The following VAV3 variants were observed in gnomAD, a reference collection of about 807,000 sequenced individuals.
The protein encoded by VAV3 is guanine nucleotide exchange factor VAV3.
A neutral mutation model predicts 131.2 loss-of-function variants in VAV3; 94 were observed. The observed-to-expected ratio is 0.72, with a 90% CI of 0.61 to 0.85. The LOEUF (loss-of-function observed/expected upper bound fraction) is 0.85, where lower values mean the gene tolerates loss of function less well. VAV3 is among the 40% of genes least tolerant of loss of function. VAV3 has a pLI of 0.00. For missense variants in VAV3, 939 were observed against 1,002.7 expected (o/e 0.94, Z 0.86); for synonymous variants, 349 against 342.0 (o/e 1.02, Z -0.22).
intron 2 of VAV3, among the ~76,000 whole-genome samples, chr1:107,837,068 T>C (rs1295804734): frequency 6.6e-6 from 1 of 151,522 alleles, no homozygotes; most frequent in Non-Finnish European, 1.5e-5. Context: ...GCCAGCATCA[T>C]CCTAATACCA....
intron 2 of VAV3, among the ~76,000 whole-genome samples, chr1:107,788,887 G>A (rs1301834864): frequency 6.6e-6 from 1 of 152,192 alleles, no homozygotes; most frequent in Admixed American, 6.5e-5. Flanking sequence ...AGATTACATG[G>A]CAATTTTAAT....
chr1:107,653,078 T>C (rs1395662392), intron 19 of VAV3, among the ~76,000 whole-genome samples: 2 of 151,776 alleles, frequency 1.3e-5, no homozygotes, highest in Non-Finnish European at 2.9e-5. Context: ...GCTTGAGTAG[T>C]AGAGAGCATA....
intron 15 of VAV3, among the ~76,000 whole-genome samples, chr1:107,717,231 A>T (rs1457784998): frequency 6.6e-6 from 1 of 151,932 alleles, no homozygotes; most frequent in African/African-American, 2.4e-5. Context: ...GTGTGTCTCT[A>T]TTTCCTTTAG....
chr1:107,871,321 T>C (rs1370254446), intron 2 of VAV3, among the ~76,000 whole-genome samples: 1 of 150,950 alleles, frequency 6.6e-6, no homozygotes, highest in Non-Finnish European at 1.5e-5. Context: ...ACCCTCAACG[T>C]CCCCCATTCC....
chr1:107,895,052 G>T (rs1048072588), intron 1 of VAV3, among the ~76,000 whole-genome samples: 3 of 152,128 alleles, frequency 2.0e-5, no homozygotes, highest in African/African-American at 7.2e-5. Context: ...AATGAGAGAA[G>T]CTGGGGGAAT....
intron 1 of VAV3, among the ~76,000 whole-genome samples, chr1:107,884,149 A>G (rs1375538875): frequency 6.6e-6 from 1 of 151,954 alleles, no homozygotes; most frequent in Non-Finnish European, 1.5e-5. Context: ...TAAAAAAAAA[A>G]AAAAAGTTAA....
At chr1:107,641,741 C>T (rs1408255136) in intron 20 of VAV3, among the ~76,000 whole-genome samples, 3 of 152,062 alleles carry the variant, frequency 2.0e-5, no homozygotes, top group African/African-American at 4.8e-5. Flanking sequence ...TTAGGTAGTT[C>T]CCCTGAAGTG....
At chr1:107,807,770 T>A (rs920468220) in intron 2 of VAV3, among the ~76,000 whole-genome samples, 3 of 152,206 alleles carry the variant, frequency 2.0e-5, no homozygotes, top group Admixed American at 6.5e-5. Context: ...CAATGTAACT[T>A]ATGGCATGTT....
At chr1:107,585,459 T>C (rs1285379414) in intron 25 of VAV3, among the ~76,000 whole-genome samples, 2 of 152,176 alleles carry the variant, frequency 1.3e-5, no homozygotes, top group Non-Finnish European at 2.9e-5. Context: ...GGTTTCCTGT[T>C]TCTTCAAGGG....
chr1:107,795,520 T>C lies in VAV3; in HGVS notation c.322-16028A>G, dbSNP rs953703421. 2.0e-5 allele frequency among the ~76,000 whole-genome samples: 3 copies of C among 152,052 alleles called. No homozygotes were observed. The East Asian group carries it at 5.8e-4, about 29-fold the overall frequency. On this transcript the variant is annotated intron_variant, in intron 2 of 26. Coordinates refer to ENST00000370056, the MANE Select transcript of VAV3 (RefSeq NM_006113.5). ...TTTTATTATCTTCTCTCTTAACCTATCTCCCCTCCCCCCAGGAAAAAAAAT... is the reference window on the plus strand; with the variant it reads ...TTTTATTATCTTCTCTCTTAACCTACCTCCCCTCCCCCCAGGAAAAAAAAT...
chr1:107,881,053 C>G (rs1351663903), intron 1 of VAV3, among the ~76,000 whole-genome samples: 2 of 152,144 alleles, frequency 1.3e-5, no homozygotes, highest in Non-Finnish European at 2.9e-5. Context: ...GGATTCAAAT[C>G]CAGACATTCT....
intron 20 of VAV3, among the ~76,000 whole-genome samples, chr1:107,637,134 T>C (rs865866325): frequency 7.2e-5 from 11 of 152,218 alleles, no homozygotes; most frequent in South Asian, 2.1e-4. Context: ...GGGAATGAGA[T>C]GGATAATACA....
At chr1:107,772,941 A>G in intron 4 of VAV3, 98 bp from the exon 5 acceptor site, 1 of 1,043,760 alleles carries the variant, frequency 9.6e-7, no homozygotes, top group Non-Finnish European at 1.4e-6. Context: ...TCCAGAAAGG[A>G]AATAAAATGG....
At chr1:107,612,070 G>T (rs1652777677) in intron 21 of VAV3, among the ~76,000 whole-genome samples, 1 of 151,752 alleles carries the variant, frequency 6.6e-6, no homozygotes, top group Non-Finnish European at 1.5e-5. Context: ...CAAAACTTCT[G>T]CTATGAACAT....
intron 2 of VAV3, among the ~76,000 whole-genome samples, chr1:107,781,355 G>GTAT (rs1220223481): frequency 2.0e-5 from 3 of 152,112 alleles, no homozygotes; most frequent in Non-Finnish European, 2.9e-5. Context: ...TGACGACAAT[G>GTAT]TATTACATTC....
chr1:107,672,268 C>CAAAAAAAA (rs11299420), intron 19 of VAV3: 1 of 77,734 alleles, frequency 1.3e-5, no homozygotes, highest in Non-Finnish European at 2.5e-5. Context: ...GACTCTGTCT[C>CAAAAAAAA]AAAAAAAAAA....
chr1:107,748,809 C>T (rs1201957270), intron 15 of VAV3, among the ~76,000 whole-genome samples, 159 bp downstream of exon 15: 1 of 152,190 alleles, frequency 6.6e-6, no homozygotes, highest in Non-Finnish European at 1.5e-5. Context: ...TATCAAGCAG[C>T]CAGCAGCCTA....
chr1:107,576,541 A>G, intron 25 of VAV3: 2 of 1,308,192 alleles, frequency 1.5e-6, no homozygotes, highest in South Asian at 1.5e-5. Context: ...ATATCTCAAC[A>G]CAACCATTTT....
intron 17 of VAV3, among the ~76,000 whole-genome samples, chr1:107,691,789 A>G (rs992782588): frequency 2.0e-5 from 3 of 152,186 alleles, no homozygotes; most frequent in Non-Finnish European, 4.4e-5. Context: ...AATTCTGAGA[A>G]GTGGTGTTGC....
Sources: gnomAD v4.1 joint callset for allele counts (sites outside exome capture counted in the v4.1 genomes callset) on GRCh38, gnomAD v4.1.1 for gene constraint, MANE v1.5 for transcripts, NCBI Gene and HGNC (gene_info 2026-07-23, HGNC 2026-07-21) for gene names.